Variants in ADGRL2 observed in about 807,000 individuals in gnomAD.
ADGRL2 encodes calcium-independent alpha-latrotoxin receptor 2.
A neutral mutation model predicts 157.4 loss-of-function variants in ADGRL2; 44 were observed. The observed-to-expected ratio is 0.28, with a 90% CI of 0.22 to 0.36. ADGRL2 has a LOEUF of 0.36. Ranked by LOEUF, ADGRL2 falls within the 10% of genes least tolerant of loss-of-function variation. ADGRL2 has a pLI of 1.00. For missense variants in ADGRL2, 1,510 were observed against 1,768.9 expected (o/e 0.85, Z 2.63); for synonymous variants, 585 against 624.7 (o/e 0.94, Z 0.95).
At chr1:81,730,567 A>G (rs1264874851) in intron 1 of ADGRL2, among the ~76,000 whole-genome samples, 1 of 152,064 alleles carries the variant, frequency 6.6e-6, no homozygotes, top group African/African-American at 2.4e-5. Flanking sequence ...TACTAAAATT[A>G]CAAAACTTAG....
intron 1 of ADGRL2, among the ~76,000 whole-genome samples, chr1:81,333,407 A>C (rs531294096): frequency 4.2e-5 from 5 of 118,128 alleles, no homozygotes; most frequent in Admixed American, 8.1e-5. Flanking sequence ...TAATTAATTA[A>C]TTAATTTATT....
intron 1 of ADGRL2, 80 bp from the exon 2 acceptor site, chr1:81,836,805 A>G (rs2092307941): frequency 2.1e-6 from 1 of 471,104 alleles, no homozygotes; most frequent in Non-Finnish European, 3.7e-6. Flanking sequence ...TTCAGGAGAG[A>G]GAGAGAGGAA....
chr1:81,721,864 A>T (rs1218852391), intron 1 of ADGRL2: 6 of 798,942 alleles, frequency 7.5e-6, no homozygotes, highest in Non-Finnish European at 1.3e-5. Context: ...AGGGGAAAAA[A>T]AAAACCTGAT....
chr1:81,796,682 C>A (rs1239401282), upstream of ADGRL2, among the ~76,000 whole-genome samples: 3 of 152,138 alleles, frequency 2.0e-5, no homozygotes, highest in Non-Finnish European at 4.4e-5. Context: ...CAGAAAAAGT[C>A]ATGTTACCAG....
chr1:81,412,388 C>A (rs1334129896), intron 1 of ADGRL2, among the ~76,000 whole-genome samples: 1 of 152,098 alleles, frequency 6.6e-6, no homozygotes, highest in African/African-American at 2.4e-5. Flanking sequence ...CTGCATATAC[C>A]ATGCTTTTTG....
At chr1:81,370,611 C>A (rs111660603) in intron 1 of ADGRL2, among the ~76,000 whole-genome samples, 35 of 152,194 alleles carry the variant, frequency 2.3e-4, no homozygotes, top group Non-Finnish European at 2.9e-5. Context: ...AAGACCCCCT[C>A]CCCTACAAAA....
rs1425563160 is a variant in ADGRL2 at position 81,788,379 on chromosome 1, T to G, written c.-101+26527T>G. Among the ~76,000 whole-genome samples, 3 of 151,776 alleles carry G rather than the reference T, an allele frequency of 2.0e-5. No individual in the cohort carries two copies. In the South Asian group the frequency reaches 6.2e-4, roughly 32 times the overall value. ...TGCAAGATCTGGTTGTTGAAAAGAG[T>G]CAGGGACCTCTCCCTTCTCTCTCTT... On this transcript the variant is annotated intron_variant, in intron 2 of 20. Coordinates refer to the ADGRL2 transcript ENST00000359929.
At chr1:81,940,626 T>C (rs1409088467) in intron 4 of ADGRL2, among the ~76,000 whole-genome samples, 1 of 151,608 alleles carries the variant, frequency 6.6e-6, no homozygotes, top group African/African-American at 2.4e-5. Flanking sequence ...AAGGCCAACA[T>C]TTAATCTTGA....
intron 1 of ADGRL2, among the ~76,000 whole-genome samples, chr1:81,384,127 C>T (rs1256989759): frequency 6.6e-6 from 1 of 152,084 alleles, no homozygotes; most frequent in Non-Finnish European, 1.5e-5. Context: ...TCAAACTGCA[C>T]ATTGTGGCTT....
chr1:81,779,016 G>T (rs767545083), intron 2 of ADGRL2, among the ~76,000 whole-genome samples: 2 of 152,082 alleles, frequency 1.3e-5, no homozygotes, highest in Non-Finnish European at 2.9e-5. Context: ...CTCAGTAAAT[G>T]CTATCTACAT....
chr1:81,325,299 T>C (rs558605697), intron 1 of ADGRL2, among the ~76,000 whole-genome samples: 6 of 152,238 alleles, frequency 3.9e-5, no homozygotes, highest in African/African-American at 1.4e-4. Flanking sequence ...CAGTACCTCT[T>C]CTGGCAGAGT....
intron 3 of ADGRL2, among the ~76,000 whole-genome samples, chr1:81,637,455 A>G (rs1200196974): frequency 3.9e-5 from 6 of 152,180 alleles, no homozygotes; most frequent in Non-Finnish European, 7.3e-5. Flanking sequence ...TCCACTTAGC[A>G]CAGCTGAAAA....
chr1:81,779,767 T>C (rs2086740634), intron 2 of ADGRL2, among the ~76,000 whole-genome samples: 1 of 152,204 alleles, frequency 6.6e-6, no homozygotes, highest in Non-Finnish European at 1.5e-5. Flanking sequence ...GAGCATATGG[T>C]TGCTTTTCCC....
chr1:81,604,003 C>T (rs938804068), intron 3 of ADGRL2, among the ~76,000 whole-genome samples: 2 of 148,012 alleles, frequency 1.4e-5, no homozygotes, highest in African/African-American at 5.0e-5. Context: ...TTGCTCTGTC[C>T]TTTAGGCTGG....
At chr1:81,342,424 T>C (rs1010395158) in intron 1 of ADGRL2, among the ~76,000 whole-genome samples, 1 of 152,148 alleles carries the variant, frequency 6.6e-6, no homozygotes, top group African/African-American at 2.4e-5. Context: ...AAGAAATCAA[T>C]TGGTCTTGTC....
At chr1:81,547,726 C>A (rs533552100) in intron 2 of ADGRL2, among the ~76,000 whole-genome samples, 1 of 152,210 alleles carries the variant, frequency 6.6e-6, no homozygotes, top group Non-Finnish European at 1.5e-5. Context: ...CAAAACTGAT[C>A]AATGGCTTCT....
At chr1:81,527,038 C>A (rs183921775) in intron 2 of ADGRL2, among the ~76,000 whole-genome samples, 61 of 152,318 alleles carry the variant, frequency 4.0e-4, no homozygotes, top group Middle Eastern at 3.4e-3. Context: ...TAAATTGCAT[C>A]TGGCTGCAAA....
At chr1:81,922,208 C>A (rs1462084176) in intron 3 of ADGRL2, among the ~76,000 whole-genome samples, 1 of 152,094 alleles carries the variant, frequency 6.6e-6, no homozygotes, top group East Asian at 1.9e-4. Flanking sequence ...GGAAAAAATA[C>A]TGTATGCTCG....
In ADGRL2 at chr1:81,901,410, G is replaced by T. The variant is rs554147994; in HGVS notation, c.74-5607G>T. On this transcript the variant is annotated intron_variant, in intron 2 of 23. Transcript: ENST00000686636. ...GCTATAAGTAAATTAATATTTTGTT[G>T]TACAAATTACAGATAGTGTAGCTTC... Among the ~76,000 whole-genome samples, 368 of 152,080 alleles carry T rather than the reference G, an allele frequency of 2.4e-3. 2 individuals are homozygous for T. Among genetic ancestry groups the T allele is most frequent in the African/African-American group, 8.6e-3 (356 of 41,506 alleles).
Sources: allele counts gnomAD v4.1 joint callset (sites outside exome capture counted in the v4.1 genomes callset), GRCh38; gene constraint gnomAD v4.1.1; transcripts MANE v1.5; gene names NCBI Gene and HGNC (gene_info 2026-07-23, HGNC 2026-07-21).